CREM: variants seen among roughly 807,000 people sequenced by gnomAD.
CREM encodes cAMP-responsive element modulator.
Under a neutral mutation model 37.3 loss-of-function variants are expected in CREM, and 13 were observed. That is an observed-to-expected ratio of 0.35 (90% CI 0.23 to 0.55). CREM has a LOEUF of 0.55. Ranked by LOEUF, CREM falls within the 20% of genes least tolerant of loss-of-function variation. The pLI, the probability that CREM is intolerant of heterozygous loss-of-function variation, is 0.88. For missense variants in CREM, 296 were observed against 362.3 expected (o/e 0.82, Z 1.49); for synonymous variants, 124 against 120.2 (o/e 1.03, Z -0.21).
chr10:35,135,919 T>C (rs1480324586), intron 1 of CREM, among the ~76,000 whole-genome samples: 1 of 152,078 alleles, frequency 6.6e-6, no homozygotes, highest in Non-Finnish European at 1.5e-5. Context: ...CTTTTAGATT[T>C]GGCAAGCAGG....
At chr10:35,208,800 T>A (rs1031449838) in intron 7 of CREM, among the ~76,000 whole-genome samples, 3 of 152,178 alleles carry the variant, frequency 2.0e-5, no homozygotes, top group Middle Eastern at 3.2e-3. Context: ...TAGAAATAGG[T>A]CTTTAGTCCC....
intron 2 of CREM, among the ~76,000 whole-genome samples, chr10:35,138,988 A>G (rs923092233): frequency 2.6e-5 from 4 of 152,148 alleles, no homozygotes; most frequent in Non-Finnish European, 5.9e-5. Context: ...TATATTCAAA[A>G]CAGGTTGGGA....
chr10:35,195,197 T>C, intron 6 of CREM: 1 of 1,614,008 alleles, frequency 6.2e-7, no homozygotes, highest in Non-Finnish European at 8.5e-7. Flanking sequence ...ATTATGGCTG[T>C]AACTGGAGAT....
intron 3 of CREM, among the ~76,000 whole-genome samples, chr10:35,159,991 A>G (rs1038807612): frequency 6.6e-6 from 1 of 152,192 alleles, no homozygotes; most frequent in Non-Finnish European, 1.5e-5. Flanking sequence ...CATTTTGAGA[A>G]ATGTGTTGTT....
chr10:35,136,358 C>T (rs937733052), intron 1 of CREM, among the ~76,000 whole-genome samples: 5 of 152,190 alleles, frequency 3.3e-5, no homozygotes, highest in African/African-American at 1.2e-4. Context: ...TGCAGTGCCC[C>T]AGTGTCTAGT....
intron 2 of CREM, among the ~76,000 whole-genome samples, chr10:35,145,970 A>T (rs774551214): frequency 2.3e-4 from 35 of 152,190 alleles, no homozygotes; most frequent in Non-Finnish European, 4.4e-4. Flanking sequence ...TACAACAAAT[A>T]CTTCTCGTTA....
chr10:35,201,340 C>G, intron 6 of CREM: 2 of 1,148,124 alleles, frequency 1.7e-6, no homozygotes, highest in East Asian at 5.2e-5. Context: ...AGGAAGGGAA[C>G]TAACATTTGT....
At chr10:35,188,444 AT>A in intron 6 of CREM, 56 bp downstream of exon 6, 1 of 1,409,242 alleles carries the variant, frequency 7.1e-7, no homozygotes, top group South Asian at 1.6e-5. Flanking sequence ...ATATCACACC[AT>A]TGAGTGGTGA....
chr10:35,168,093 A>G (rs1294367787), intron 3 of CREM, among the ~76,000 whole-genome samples: 1 of 152,216 alleles, frequency 6.6e-6, no homozygotes, highest in Non-Finnish European at 1.5e-5. Flanking sequence ...AGCATGATTT[A>G]TAATCCTTTG....
intron 6 of CREM, among the ~76,000 whole-genome samples, chr10:35,197,537 C>T (rs902553187): frequency 1.3e-5 from 2 of 151,948 alleles, no homozygotes; most frequent in Non-Finnish European, 2.9e-5. Context: ...ACTGCAAGCT[C>T]GGCCTCCCGG....
At chr10:35,161,612 G>A (rs746112017) in intron 3 of CREM, among the ~76,000 whole-genome samples, 13 of 151,730 alleles carry the variant, frequency 8.6e-5, no homozygotes, top group Non-Finnish European at 1.6e-4. Context: ...GCAGTGAGTC[G>A]AGATCACACC....
At chr10:35,131,664 T>TAGAAAGATA (rs2135399964) in intron 1 of CREM, among the ~76,000 whole-genome samples, 1 of 152,294 alleles carries the variant, frequency 6.6e-6, no homozygotes, top group South Asian at 2.1e-4. Context: ...CAGGTTTTGT[T>TAGAAAGATA]CAGATGTGTA....
intron 3 of CREM, chr10:35,154,336 T>C (rs2092769653): frequency 2.8e-6 from 1 of 352,792 alleles, no homozygotes; most frequent in Non-Finnish European, 5.0e-6. Context: ...TCAAGCAACA[T>C]TTTCTCTTGT....
At chr10:35,171,161 CTTTTTTTTTTTT>C (rs35404510) in intron 3 of CREM, 2 of 82,686 alleles carry the variant, frequency 2.4e-5, no homozygotes, top group Non-Finnish European at 4.4e-5. Flanking sequence ...TTAACCAAGC[CTTTTTTTTTTTT>C]TTTTTTTTTT....
At chr10:35,137,161 T>A (rs116105236) in intron 1 of CREM, among the ~76,000 whole-genome samples, 2,292 of 152,260 alleles carry the variant, frequency 0.015, 60 homozygotes, top group African/African-American at 0.052. Flanking sequence ...TCTTTCCACA[T>A]GTCAAATATA....
intron 1 of CREM, among the ~76,000 whole-genome samples, chr10:35,129,710 GAGC>G (rs2088928631): frequency 6.6e-6 from 1 of 152,134 alleles, no homozygotes; most frequent in African/African-American, 2.4e-5. Context: ...TTATTTTTTA[GAGC>G]AGTTTTACAA....
rs894013390 is a variant in CREM at position 35,188,185 on chromosome 10, T to G, written c.410-15T>G. 6.3e-7 allele frequency: 1 copy of G among 1,595,024 alleles called. No individual in the cohort carries two copies. The highest frequency in any genetic ancestry group is 8.5e-7 in the Non-Finnish European group (1 of 1,173,664). On this transcript the variant is annotated splice_polypyrimidine_tract_variant and intron_variant, in intron 5 of 7. Coordinates refer to ENST00000685392, the MANE Select transcript of CREM (RefSeq NM_183011.2). ...TCTTGAAATTCTCTAATATTTCTTT[T>G]CTTTTTCTGTTAAGTTGCTATAGCC...
chr10:35,211,843 CT>C lies in CREM; in HGVS notation c.*449del. The C allele has an allele frequency of 6.5e-7, 1 of 1,548,584 alleles. No homozygotes were observed. The highest frequency in any genetic ancestry group is 8.7e-7 in the Non-Finnish European group (1 of 1,148,678). ...GAACTGAAGGCAGCATGTATAGTTG[CT>C]TTTGAAGGAATACAATATATAGCTG... On this transcript the variant is annotated 3_prime_UTR_variant, in exon 8 of 8. Transcript: ENST00000685392.
chr10:35,169,731 G>A (rs958159941), intron 3 of CREM, among the ~76,000 whole-genome samples: 2 of 152,066 alleles, frequency 1.3e-5, no homozygotes, highest in African/African-American at 2.4e-5. Context: ...CTGTGGGTTT[G>A]TCATAAATAG....
Sources: gnomAD v4.1 joint callset for allele counts (sites outside exome capture counted in the v4.1 genomes callset) on GRCh38, gnomAD v4.1.1 for gene constraint, MANE v1.5 for transcripts, NCBI Gene and HGNC (gene_info 2026-07-23, HGNC 2026-07-21) for gene names.